AKAP13: variants seen among roughly 807,000 people sequenced by gnomAD.
AKAP13 encodes the protein A-kinase anchoring protein 13, also known as A-kinase anchor protein 13.
A neutral mutation model predicts 264.5 loss-of-function variants in AKAP13; 80 were observed. The observed-to-expected ratio is 0.30, with a 90% confidence interval of 0.25 to 0.36. AKAP13 has a LOEUF of 0.36. AKAP13 is among the 10% of genes least tolerant of loss of function. The pLI is 1.00. For synonymous variants in AKAP13, 1,380 were observed against 1,250.2 expected (o/e 1.10, Z -2.19); for missense variants, 3,712 against 3,435.2 (o/e 1.08, Z -2.01).
At chr15:85,656,064 C>G (rs916008802) in intron 11 of AKAP13, among the ~76,000 whole-genome samples, 4 of 152,090 alleles carry the variant, frequency 2.6e-5, no homozygotes, top group African/African-American at 7.2e-5. Flanking sequence ...ATGTGATTGT[C>G]ATATAATGAG....
intron 33 of AKAP13, among the ~76,000 whole-genome samples, chr15:85,737,328 C>G (rs1293256060): frequency 6.6e-6 from 1 of 152,104 alleles, no homozygotes; most frequent in African/African-American, 2.4e-5. Context: ...CCCCAGGACT[C>G]CTTGTTGTGA....
At position 85,664,557 on chromosome 15, in the gene AKAP13, G is replaced by A. The variant is rs761388815; in HGVS notation, c.4800-6G>A. On this transcript the variant is annotated splice_region_variant and splice_polypyrimidine_tract_variant and intron_variant, in intron 12 of 36. Coordinates refer to ENST00000394518, the MANE Select transcript of AKAP13 (RefSeq NM_007200.5). ...GAATGAATTAACTTTTGTGCCCTAT[G>A]TTCAGTTTCAGTCTAGAAGGCTTGA... 14 of 1,601,792 alleles carry A rather than the reference G, an allele frequency of 8.7e-6. No individual in the cohort carries two copies. The East Asian group carries it at 2.7e-4, about 31-fold the overall frequency.
In AKAP13 at chr15:85,721,994, T is replaced by A. The variant is rs1485300846; in HGVS notation, c.6256T>A (p.Ser2086Thr). 1 of 1,614,066 alleles carries A rather than the reference T, an allele frequency of 6.2e-7. No individual in the cohort carries two copies. Among genetic ancestry groups the A allele is most frequent in the Non-Finnish European group, 8.5e-7 (1 of 1,179,910 alleles). Residue 2086 changes from serine (S) to threonine (T), a missense_variant, in exon 24 of 37, where the codon TCA becomes ACA. Ser to Thr is a moderately conservative substitution (Grantham distance 58). Around this residue, in one of 3 missense-constraint regions of AKAP13, gnomAD observed 342 missense variants for 484.3 expected, o/e 0.71. Coordinates refer to ENST00000394518, the MANE Select transcript of AKAP13 (RefSeq NM_007200.5). ...RIGDVLVNQF[S>T]GENAERLKKT... Reference sequence around the variant, plus strand: ...TTCTGTTCTCTTTTCTCTGCAGTTTTCAGGTGAGAATGCAGAACGTTTAAA... The same window carrying A: ...TTCTGTTCTCTTTTCTCTGCAGTTTACAGGTGAGAATGCAGAACGTTTAAA...
In AKAP13 at chr15:85,533,590, A is replaced by G; in HGVS notation, c.188A>G (p.Asp63Gly). ...DTLETIAPGH[D>G]CCETVKVQLC... ...CTGCCTGTGTTTCCTTTAGGTCATG[A>G]TTGTTGTGAAACAGTGAAGGTGCAG... The change falls in exon 4 of 37, where the codon GAT (aspartate) becomes GGT (glycine). Residue 63 changes from aspartate (D) to glycine (G), a missense_variant. Asp to Gly is a moderately conservative substitution (Grantham distance 94). Coordinates refer to ENST00000394518, the MANE Select transcript of AKAP13 (RefSeq NM_007200.5). 3 of 1,606,706 alleles carry G rather than the reference A, an allele frequency of 1.9e-6. No homozygotes were observed. Among genetic ancestry groups the G allele is most frequent in the Non-Finnish European group, 2.6e-6 (3 of 1,175,984 alleles).
At position 85,571,205 on chromosome 15, in the gene AKAP13, A is replaced by C. The variant is rs115657440; in HGVS notation, c.663-3926A>C. 8.3e-3 allele frequency among the ~76,000 whole-genome samples: 1,263 copies of C among 152,224 alleles called. 11 individuals are homozygous for C. The highest frequency in any genetic ancestry group is 0.023 in the African/African-American group (952 of 41,538). On this transcript the variant is annotated intron_variant, in intron 5 of 36. Coordinates refer to ENST00000394518, the MANE Select transcript of AKAP13 (RefSeq NM_007200.5). ...AGCAATTATTAAAAAGATTGGTAAA[A>C]TGTATATCTCAACCACGCTGATACT...
chr15:85,580,236 G>A lies in AKAP13; in HGVS notation c.2168G>A (p.Arg723Lys), dbSNP rs1382582205. The part of the protein sequence containing the change: ...QAHTVTSDPV[R>K]DTQERADFCP... ...CATACAGTCACCTCTGACCCTGTAA[G>A]GGATACCCAGGAACGTGCGGATTTT... The change falls in exon 7 of 37, where the codon AGG becomes AAG. Residue 723 changes from arginine (R) to lysine (K), a missense_variant. Around this residue, in one of 3 missense-constraint regions of AKAP13, gnomAD observed 2,759 missense variants for 2,411.7 expected, o/e 1.14. Transcript: ENST00000394518. The A allele has an allele frequency of 1.2e-6, 2 of 1,614,186 alleles. No homozygotes were observed. Among genetic ancestry groups the A allele is most frequent in the Admixed American group, 3.3e-5 (2 of 60,012 alleles).
At chr15:85,456,589 G>A (rs1214771923) in intron 1 of AKAP13, among the ~76,000 whole-genome samples, 2 of 135,558 alleles carry the variant, frequency 1.5e-5, no homozygotes, top group Non-Finnish European at 3.1e-5. Flanking sequence ...TTGCTCTGTC[G>A]CCCGGGCTGG....
chr15:85,555,742 G>T (rs992045250), intron 5 of AKAP13, among the ~76,000 whole-genome samples: 4 of 152,176 alleles, frequency 2.6e-5, no homozygotes, highest in Non-Finnish European at 5.9e-5. Flanking sequence ...AGACTGATTG[G>T]TTGTTGATTA....
At position 85,603,695 on chromosome 15, in the gene AKAP13, T is replaced by C. The variant is rs569240155; in HGVS notation, c.4161+17872T>C. Among the ~76,000 whole-genome samples the C allele has an allele frequency of 3.9e-5, 6 of 152,356 alleles. No individual in the cohort carries two copies. The South Asian group carries it at 6.2e-4, about 16-fold the overall frequency. On this transcript the variant is annotated intron_variant, in intron 8 of 36. Transcript: ENST00000394518. ...CAGAATCCCCTTATTATTTGAAATT[T>C]ATTGTTGTATTCACTCAATGTATTC...
chr15:85,405,616 T>G (rs1371000656), intron 1 of AKAP13, among the ~76,000 whole-genome samples: 1 of 152,196 alleles, frequency 6.6e-6, no homozygotes, highest in African/African-American at 2.4e-5. Context: ...TACAGAAATA[T>G]GAGATACAAA....
chr15:85,717,899 G>C (rs1237794362), intron 21 of AKAP13, 108 bp from the exon 22 acceptor site: 3 of 1,069,724 alleles, frequency 2.8e-6, no homozygotes. Context: ...AATATCCCCT[G>C]TATTCATGTG....
intron 23 of AKAP13, among the ~76,000 whole-genome samples, chr15:85,721,571 G>T (rs2087285725): frequency 6.6e-6 from 1 of 152,178 alleles, no homozygotes. Context: ...ACCTAGGTAT[G>T]ATGGCTGTTT....
rs2081319890 is a variant in AKAP13, at chr15:85,624,415, C to CT, written c.4162-14958dup. ...AAGGCTGAGGAGGAATAGTCTGTCT[C>CT]TAATTATGGTGTCATTTTGCAGAGA... On this transcript the variant is annotated intron_variant, in intron 8 of 36. Transcript: ENST00000394518. 3 of 152,274 alleles carry CT rather than the reference C, an allele frequency of 2.0e-5. No homozygotes were observed. The South Asian group carries it at 6.2e-4, about 32-fold the overall frequency. The allele number at this position is 152,274 out of a possible 1,614,324, so 9.4% of individuals were successfully genotyped here.
intron 15 of AKAP13, 82 bp downstream of exon 15, chr15:85,682,294 TAAG>T (rs1302746190): frequency 7.2e-7 from 1 of 1,381,148 alleles, no homozygotes; most frequent in African/African-American, 1.4e-5. Flanking sequence ...TTACGTAAAC[TAAG>T]TTAATTGAGC....
intron 8 of AKAP13, among the ~76,000 whole-genome samples, chr15:85,629,788 TTTTTTTTTTG>T (rs2081612472): frequency 1.8e-5 from 2 of 109,390 alleles, no homozygotes; most frequent in African/African-American, 8.3e-5. Flanking sequence ...TTTTTTTTTT[TTTTTTTTTTG>T]AGACAGTGTC....
intron 17 of AKAP13, chr15:85,702,911 G>A (rs961218853): frequency 2.6e-5 from 4 of 152,294 alleles, no homozygotes; most frequent in Admixed American, 2.6e-4. Context: ...ACTTAGTGGG[G>A]TCTTTCAGAA....
At chr15:85,679,261 A>AAC (rs889401773) in intron 14 of AKAP13, among the ~76,000 whole-genome samples, 1 of 151,524 alleles carries the variant, frequency 6.6e-6, no homozygotes, top group African/African-American at 2.4e-5. Flanking sequence ...AACAACAAAA[A>AAC]ACCAAGGTCC....
intron 4 of AKAP13, chr15:85,536,503 C>T (rs2077402348): frequency 6.6e-6 from 1 of 152,158 alleles, no homozygotes; most frequent in South Asian, 2.1e-4. Context: ...TCTGTAGTCA[C>T]CAAAAAGTCT....
At chr15:85,426,578 C>G (rs922573822) in intron 1 of AKAP13, among the ~76,000 whole-genome samples, 5 of 151,892 alleles carry the variant, frequency 3.3e-5, no homozygotes, top group African/African-American at 1.2e-4. Context: ...ACCAAATGAT[C>G]ATAAAAATGT....
Sources: allele counts gnomAD v4.1 joint callset (sites outside exome capture counted in the v4.1 genomes callset), GRCh38; gene constraint gnomAD v4.1.1; regional missense constraint gnomAD v4.1.1; transcripts MANE v1.5; gene names NCBI Gene and HGNC (gene_info 2026-07-23, HGNC 2026-07-21).